WWOX: variants seen among roughly 807,000 people sequenced by gnomAD.
WWOX encodes WW domain-containing oxidoreductase.
In WWOX, 69 loss-of-function variants were observed where a neutral mutation model predicts 46.2. That is an observed-to-expected ratio of 1.49 (90% CI 1.23 to 1.82). The LOEUF (loss-of-function observed/expected upper bound fraction) is 1.82. WWOX is among the 40% of genes most tolerant of loss of function. The pLI is 0.00. For synonymous variants in WWOX, 359 were observed against 202.6 expected (o/e 1.77, Z -6.56); for missense variants, 919 against 542.6 (o/e 1.69, Z -6.89).
At chr16:79,035,231 C>G (rs2047842523) in intron 8 of WWOX, among the ~76,000 whole-genome samples, 1 of 152,176 alleles carries the variant, frequency 6.6e-6, no homozygotes, top group Non-Finnish European at 1.5e-5. Flanking sequence ...ACGTAGAAAA[C>G]AAGACCACGT....
chr16:78,539,784 G>A (rs903335228), intron 8 of WWOX, among the ~76,000 whole-genome samples: 1 of 152,140 alleles, frequency 6.6e-6, no homozygotes, highest in Non-Finnish European at 1.5e-5. Flanking sequence ...TCTAACACCA[G>A]CAATGATGCC....
chr16:79,075,597 G>C (rs2048640721), intron 8 of WWOX, among the ~76,000 whole-genome samples: 1 of 151,592 alleles, frequency 6.6e-6, no homozygotes, highest in Non-Finnish European at 1.5e-5. Context: ...CTGTCACCCA[G>C]GCTGGAGTTT....
chr16:78,317,654 T>G (rs960157760), intron 5 of WWOX, among the ~76,000 whole-genome samples: 2 of 152,140 alleles, frequency 1.3e-5, no homozygotes, highest in Non-Finnish European at 2.9e-5. Context: ...GAAGTCTGCC[T>G]CGTTTAGGCT....
intron 8 of WWOX, among the ~76,000 whole-genome samples, chr16:79,133,257 G>A (rs953852250): frequency 5.3e-5 from 8 of 152,086 alleles, no homozygotes; most frequent in African/African-American, 1.9e-4. Flanking sequence ...TTCATCTTCT[G>A]ACCTTCCCCT....
chr16:79,027,292 A>AAAAG (rs2047665300), intron 8 of WWOX, among the ~76,000 whole-genome samples: 1 of 150,918 alleles, frequency 6.6e-6, no homozygotes. Context: ...AAAAAAAAAA[A>AAAAG]AAGGTAGAGA....
chr16:78,606,061 C>T (rs1440981851), intron 8 of WWOX, among the ~76,000 whole-genome samples: 1 of 152,076 alleles, frequency 6.6e-6, no homozygotes, highest in Non-Finnish European at 1.5e-5. Context: ...CGAGGGATGC[C>T]CTCCCAAATT....
intron 8 of WWOX, among the ~76,000 whole-genome samples, chr16:78,508,969 C>T (rs548087451): frequency 4.6e-5 from 7 of 152,344 alleles, no homozygotes; most frequent in African/African-American, 1.4e-4. Context: ...AGGCAAATAA[C>T]GAGATTTCGC....
intron 5 of WWOX, among the ~76,000 whole-genome samples, chr16:78,354,116 T>A (rs1349359265): frequency 6.6e-6 from 1 of 152,200 alleles, no homozygotes; most frequent in Non-Finnish European, 1.5e-5. Flanking sequence ...GTAGTTCCAG[T>A]GGGTTCATCT....
At chr16:79,057,448 C>T (rs144642088) in intron 8 of WWOX, among the ~76,000 whole-genome samples, 2 of 152,306 alleles carry the variant, frequency 1.3e-5, no homozygotes, top group East Asian at 3.9e-4. Context: ...AGGTTCAATT[C>T]TCAGGCTCCT....
intron 8 of WWOX, among the ~76,000 whole-genome samples, chr16:78,936,102 A>C (rs1383775152): frequency 6.6e-6 from 1 of 152,108 alleles, no homozygotes; most frequent in Non-Finnish European, 1.5e-5. Context: ...GATTGAAAGG[A>C]AAGAAGGAGG....
chr16:79,095,461 T>A (rs1597371215), intron 8 of WWOX, among the ~76,000 whole-genome samples: 1 of 151,904 alleles, frequency 6.6e-6, no homozygotes, highest in Admixed American at 6.6e-5. Flanking sequence ...GCAGAAGAGG[T>A]GGGGGCAGCA....
chr16:78,518,055 G>C (rs1196436943), intron 8 of WWOX, among the ~76,000 whole-genome samples: 2 of 151,794 alleles, frequency 1.3e-5, no homozygotes, highest in African/African-American at 4.8e-5. Flanking sequence ...GTAATTAGAT[G>C]CTTGGAGCTT....
chr16:78,919,571 A>T lies in WWOX; in HGVS notation c.1057-292037A>T, dbSNP rs184316640. 2.7e-4 allele frequency among the ~76,000 whole-genome samples: 40 copies of T among 147,388 alleles called. No individual in the cohort carries two copies. In the East Asian group the frequency reaches 7.6e-3, roughly 28 times the overall value. ...TCTTGCTCTGTCTGCCAGATGGAGC[A>T]CAATGGCGCGATCTCAGCTCACTAC... On this transcript the variant is annotated intron_variant, in intron 8 of 8. Coordinates refer to ENST00000566780, the MANE Select transcript of WWOX (RefSeq NM_016373.4).
chr16:78,109,526 G>A (rs1597209395), intron 2 of WWOX, among the ~76,000 whole-genome samples: 1 of 152,166 alleles, frequency 6.6e-6, no homozygotes, highest in Non-Finnish European at 1.5e-5. Context: ...AACCAGTATG[G>A]TTTATAGAGC....
At chr16:79,090,436 C>G (rs976022925) in intron 8 of WWOX, among the ~76,000 whole-genome samples, 1 of 152,022 alleles carries the variant, frequency 6.6e-6, no homozygotes, top group African/African-American at 2.4e-5. Flanking sequence ...TGTGCAATAC[C>G]TAGTGATACA....
chr16:78,794,650 T>TTG, intron 8 of WWOX, among the ~76,000 whole-genome samples: 1 of 152,384 alleles, frequency 6.6e-6, no homozygotes, highest in Middle Eastern at 3.4e-3. Flanking sequence ...TAGCAAGACC[T>TTG]TGGTAAGTTA....
intron 7 of WWOX, among the ~76,000 whole-genome samples, chr16:78,428,066 T>A (rs761437003): frequency 3.9e-5 from 6 of 152,112 alleles, no homozygotes; most frequent in Non-Finnish European, 7.3e-5. Context: ...AGACCCTGTT[T>A]CAGAAAACAA....
At chr16:78,855,882 G>C (rs893132483) in intron 8 of WWOX, among the ~76,000 whole-genome samples, 1 of 152,188 alleles carries the variant, frequency 6.6e-6, no homozygotes, top group African/African-American at 2.4e-5. Flanking sequence ...TTGAGGCCCA[G>C]TCCTTACTCT....
At chr16:78,240,319 A>G (rs926547581) in intron 5 of WWOX, among the ~76,000 whole-genome samples, 1 of 152,056 alleles carries the variant, frequency 6.6e-6, no homozygotes, top group African/African-American at 2.4e-5. Context: ...TCTCTTAAAA[A>G]AAAAATAACA....
Sources: allele counts gnomAD v4.1 joint callset (sites outside exome capture counted in the v4.1 genomes callset), GRCh38; gene constraint gnomAD v4.1.1; transcripts MANE v1.5; gene names NCBI Gene and HGNC (gene_info 2026-07-23, HGNC 2026-07-21).